Variants in KDM4C observed in about 807,000 individuals in gnomAD.
KDM4C encodes the protein lysine demethylase 4C, also known as lysine-specific demethylase 4C.
A neutral mutation model predicts 129.3 loss-of-function variants in KDM4C; 81 were observed. The observed-to-expected ratio is 0.63, with a 90% CI of 0.52 to 0.75. KDM4C has a LOEUF of 0.75. Ranked by LOEUF, KDM4C falls within the 30% of genes least tolerant of loss-of-function variation. The probability of loss-of-function intolerance (pLI) is 0.00; values close to 1 mark genes in which losing one functional copy is unlikely to be tolerated. For missense variants in KDM4C, 1,457 were observed against 1,304.0 expected (o/e 1.12, Z -1.81); for synonymous variants, 573 against 456.1 (o/e 1.26, Z -3.26).
At chr9:7,019,753 AT>A (rs1368588303) in intron 15 of KDM4C, among the ~76,000 whole-genome samples, 1 of 141,130 alleles carries the variant, frequency 7.1e-6, no homozygotes, top group African/African-American at 2.6e-5. Context: ...TAATATTTTT[AT>A]ATATAAAAAT....
chr9:7,088,729 C>T (rs1199112527), intron 17 of KDM4C, among the ~76,000 whole-genome samples: 1 of 151,994 alleles, frequency 6.6e-6, no homozygotes, highest in African/African-American at 2.4e-5. Context: ...GATAAATGAA[C>T]TAATTTAAAA....
chr9:6,997,014 A>ATCTC (rs1356392898), intron 12 of KDM4C, among the ~76,000 whole-genome samples: 33 of 148,358 alleles, frequency 2.2e-4, no homozygotes, highest in Admixed American at 2.0e-3. Flanking sequence ...AAAGGATAAT[A>ATCTC]TCTCTCCATG....
chr9:6,808,837 T>G (rs150736490), intron 3 of KDM4C, among the ~76,000 whole-genome samples: 67 of 152,060 alleles, frequency 4.4e-4, no homozygotes, highest in Non-Finnish European at 9.4e-4. Flanking sequence ...TCAATGAATT[T>G]GTGGGCATAT....
chr9:6,809,545 GA>G (rs1204548972), intron 3 of KDM4C, among the ~76,000 whole-genome samples: 1 of 152,168 alleles, frequency 6.6e-6, no homozygotes, highest in Non-Finnish European at 1.5e-5. Flanking sequence ...ACTGCCATAG[GA>G]AAGGTACAAA....
At chr9:7,010,361 G>A (rs74493501) in intron 12 of KDM4C, among the ~76,000 whole-genome samples, 5,474 of 152,234 alleles carry the variant, frequency 0.036, 142 homozygotes, top group East Asian at 0.099. Flanking sequence ...GCCACCCTTT[G>A]TGCTACAGTT....
At chr9:7,027,865 A>G (rs1430620659) in intron 15 of KDM4C, among the ~76,000 whole-genome samples, 1 of 152,160 alleles carries the variant, frequency 6.6e-6, no homozygotes, top group Non-Finnish European at 1.5e-5. Context: ...TCAGCCCATG[A>G]CCGCCACTAC....
intron 17 of KDM4C, among the ~76,000 whole-genome samples, chr9:7,052,910 T>TGGTTGTACAGTGGGGTGCTTTA (rs139147225): frequency 7.9e-6 from 1 of 126,716 alleles, no homozygotes; most frequent in Admixed American, 7.6e-5. Context: ...AGCGAGCGAG[T>TGGTTGTACAGTGGGGTGCTTTA]GCCCAAGGGA....
intron 1 of KDM4C, among the ~76,000 whole-genome samples, chr9:6,735,551 T>C (rs938389361): frequency 6.6e-6 from 1 of 152,140 alleles, no homozygotes; most frequent in Non-Finnish European, 1.5e-5. Flanking sequence ...TCTCATTAGG[T>C]CTGACGGTTT....
intron 8 of KDM4C, among the ~76,000 whole-genome samples, chr9:6,926,592 T>G (rs1350102079): frequency 1.3e-5 from 2 of 152,236 alleles, no homozygotes; most frequent in Non-Finnish European, 1.5e-5. Flanking sequence ...GACTCTTATT[T>G]CTGCCTCATT....
chr9:7,103,644 C>T (rs770840595), intron 17 of KDM4C, 41 bp from the exon 18 acceptor site: 148 of 1,335,690 alleles, frequency 1.1e-4, no homozygotes, highest in Non-Finnish European at 1.4e-4. Context: ...GACTGGGTTA[C>T]AGAATGTGAA....
At chr9:6,873,161 T>C (rs796541331) in intron 5 of KDM4C, among the ~76,000 whole-genome samples, 6 of 152,330 alleles carry the variant, frequency 3.9e-5, no homozygotes, top group African/African-American at 1.4e-4. Context: ...CATGCCTGGC[T>C]AATTTTTGTA....
chr9:7,111,758 G>C (rs1486414418), intron 18 of KDM4C, among the ~76,000 whole-genome samples: 4 of 152,158 alleles, frequency 2.6e-5, no homozygotes, highest in African/African-American at 7.2e-5. Flanking sequence ...GAAGTAGATT[G>C]GGTGATCAGA....
intron 8 of KDM4C, among the ~76,000 whole-genome samples, chr9:6,967,682 T>C (rs1318026795): frequency 1.3e-5 from 2 of 152,202 alleles, no homozygotes; most frequent in Non-Finnish European, 2.9e-5. Context: ...TTTTACTTTC[T>C]CTGCCTTATA....
chr9:6,938,207 A>G (rs1250369544), intron 8 of KDM4C, among the ~76,000 whole-genome samples: 1 of 151,966 alleles, frequency 6.6e-6, no homozygotes, highest in Non-Finnish European at 1.5e-5. Context: ...AATATTTAAT[A>G]TATAGATATA....
In KDM4C at chr9:6,862,272, T is replaced by C. The variant is rs371539252; in HGVS notation, c.629+12572T>C. 2.1e-3 allele frequency among the ~76,000 whole-genome samples: 326 copies of C among 152,324 alleles called. 1 individual carries two copies. The highest frequency in any genetic ancestry group is 3.5e-3 in the Non-Finnish European group (240 of 68,018). ...TGTTGTCTTCATGTCTGATAAGTTA[T>C]CTTACTGTGCCTACCTAATGAAGAT... On this transcript the variant is annotated intron_variant, in intron 5 of 21. Coordinates refer to ENST00000381309, the MANE Select transcript of KDM4C (RefSeq NM_015061.6).
intron 17 of KDM4C, among the ~76,000 whole-genome samples, chr9:7,069,867 A>G (rs1164793694): frequency 6.6e-6 from 1 of 152,238 alleles, no homozygotes; most frequent in African/African-American, 2.4e-5. Flanking sequence ...GGACTAATTG[A>G]GAATATATTA....
rs747655214 is a variant in KDM4C, at chr9:7,011,680, C to A, written c.1787-18C>A. The A allele has an allele frequency of 1.9e-6, 3 of 1,611,214 alleles. No individual in the cohort carries two copies. The East Asian group carries it at 6.7e-5, about 36-fold the overall frequency. ...CTGGTTCCCATGCTCATGGTATTTT[C>A]CTGCCTTCTCCCTTAAGAATTGCCT... On this transcript the variant is annotated intron_variant, in intron 12 of 21. Coordinates refer to ENST00000381309, the MANE Select transcript of KDM4C (RefSeq NM_015061.6).
intron 1 of KDM4C, among the ~76,000 whole-genome samples, chr9:6,730,540 G>A (rs538046985): frequency 1.5e-4 from 23 of 151,730 alleles, no homozygotes; most frequent in African/African-American, 5.3e-4. Context: ...GCGTGAACCC[G>A]GGAGGCGGAG....
intron 17 of KDM4C, among the ~76,000 whole-genome samples, chr9:7,061,223 T>C (rs937997564): frequency 3.9e-5 from 6 of 152,208 alleles, no homozygotes; most frequent in African/African-American, 1.4e-4. Context: ...AATTGAGGGT[T>C]TATGTTATTA....
Sources: gnomAD v4.1 joint callset for allele counts (sites outside exome capture counted in the v4.1 genomes callset) on GRCh38, gnomAD v4.1.1 for gene constraint, MANE v1.5 for transcripts, NCBI Gene and HGNC (gene_info 2026-07-23, HGNC 2026-07-21) for gene names.